The following C12orf42 variants were observed in gnomAD, a reference collection of about 807,000 sequenced individuals.
C12orf42 encodes the protein uncharacterized protein C12orf42.
C12orf42 carries 25 observed loss-of-function variants against 21.6 expected under a neutral mutation model. The ratio of observed to expected loss-of-function variants is 1.16; its 90% CI spans 0.84 to 1.62. The LOEUF is 1.62. Ranked by LOEUF, C12orf42 falls within the 40% of genes most tolerant of loss-of-function variation. The pLI is 0.00. For synonymous variants in C12orf42, 174 were observed against 175.0 expected (o/e 0.99, Z 0.05); for missense variants, 483 against 459.3 (o/e 1.05, Z -0.47).
Position 103,302,344 on chromosome 12 carries a change from C to G in C12orf42, c.847G>C (p.Glu283Gln). The change falls in exon 6 of 6, where the codon GAG becomes CAG. Residue 283 changes from glutamate (E) to glutamine (Q), a missense_variant. Transcript: ENST00000548883. ...GTATGAGGATGCTTGGGGAGCATCTCCGGCGCCATGGCAACCGCGCCTTTT... is the reference window on the plus strand; with the variant it reads ...GTATGAGGATGCTTGGGGAGCATCTGCGGCGCCATGGCAACCGCGCCTTTT... ...VGKGAVAMAP[E>Q]MLPKHPHTPR... 3 of 1,613,964 alleles carry G rather than the reference C, an allele frequency of 1.9e-6. No homozygotes were observed. The highest frequency in any genetic ancestry group is 2.5e-6 in the Non-Finnish European group (3 of 1,179,886).
At chr12:103,351,289 C>G (rs1030492136) in intron 4 of C12orf42, among the ~76,000 whole-genome samples, 1 of 152,218 alleles carries the variant, frequency 6.6e-6, no homozygotes, top group Admixed American at 6.5e-5. Context: ...ATAAGGTAAA[C>G]GCCAACCTGT....
chr12:103,497,365 T>C (rs935160063), upstream of C12orf42, among the ~76,000 whole-genome samples: 1 of 152,204 alleles, frequency 6.6e-6, no homozygotes, highest in Non-Finnish European at 1.5e-5. Flanking sequence ...TACTCCTAAA[T>C]ACATAGAATC....
chr12:103,553,185 C>T, the C12orf42 span, among the ~76,000 whole-genome samples: 1 of 152,140 alleles, frequency 6.6e-6, no homozygotes, highest in Middle Eastern at 3.2e-3. Context: ...TAGCATTCCT[C>T]CTCTCAGTTT....
At chr12:103,135,658 AC>A in the C12orf42 span, among the ~76,000 whole-genome samples, 1 of 152,190 alleles carries the variant, frequency 6.6e-6, no homozygotes, top group Non-Finnish European at 1.5e-5. Flanking sequence ...AAAATGCTCA[AC>A]AAAATACTAG....
chr12:103,488,353 A>T (rs1163040983), intron 1 of C12orf42, among the ~76,000 whole-genome samples: 2 of 152,174 alleles, frequency 1.3e-5, no homozygotes, highest in African/African-American at 4.8e-5. Flanking sequence ...TTTGTGGGTA[A>T]CCCAACCTTT....
intron 4 of C12orf42, among the ~76,000 whole-genome samples, chr12:103,349,726 CACTAAATAACTTT>C: frequency 6.6e-6 from 1 of 152,226 alleles, no homozygotes; most frequent in African/African-American, 2.4e-5. Flanking sequence ...CATCTACAAA[CACTAAATAACTTT>C]ACTTCTTGTT....
the C12orf42 span, among the ~76,000 whole-genome samples, chr12:103,089,632 TG>T: frequency 6.6e-6 from 1 of 151,822 alleles, no homozygotes; most frequent in African/African-American, 2.4e-5. Flanking sequence ...TGTGTGTGTG[TG>T]TGTGTGTGTG....
chr12:103,503,361 C>T, the C12orf42 span: 22,393 of 152,344 alleles, frequency 0.15, 1,887 homozygotes, highest in South Asian at 0.25. Flanking sequence ...CCTCGTTCCG[C>T]CCCCTCGCCC....
intron 2 of C12orf42, among the ~76,000 whole-genome samples, chr12:103,440,403 T>A (rs1951116361): frequency 1.3e-5 from 1 of 79,632 alleles, no homozygotes. Flanking sequence ...AAACTTAAAG[T>A]ATAATAAAAA....
chr12:103,478,672 G>T (rs574647633), intron 1 of C12orf42, among the ~76,000 whole-genome samples: 3 of 147,588 alleles, frequency 2.0e-5, no homozygotes, highest in African/African-American at 7.5e-5. Context: ...AGCAATACTC[G>T]CACCTTGGCC....
chr12:103,269,814 G>A (rs966918604), exon 6 of C12orf42: 6 of 152,498 alleles, frequency 3.9e-5, no homozygotes, highest in Non-Finnish European at 8.8e-5. Flanking sequence ...CACCTGAGGA[G>A]CCAGGAAGTG....
At chr12:103,482,335 G>A (rs1472644239) in intron 1 of C12orf42, among the ~76,000 whole-genome samples, 1 of 152,040 alleles carries the variant, frequency 6.6e-6, no homozygotes, top group Non-Finnish European at 1.5e-5. Flanking sequence ...GTTCTAGGTT[G>A]ACAATTATTT....
chr12:103,366,258 CA>C (rs1216341234), intron 4 of C12orf42, among the ~76,000 whole-genome samples: 1 of 152,012 alleles, frequency 6.6e-6, no homozygotes, highest in Non-Finnish European at 1.5e-5. Context: ...ATTGGGAAGC[CA>C]CATGTAGAAG....
At chr12:103,455,716 C>T (rs1023754441) in intron 2 of C12orf42, among the ~76,000 whole-genome samples, 3 of 152,076 alleles carry the variant, frequency 2.0e-5, no homozygotes, top group Admixed American at 6.6e-5. Flanking sequence ...GAAGAAGAAA[C>T]AAATGAACTT....
chr12:103,424,717 G>C (rs1417513628), intron 2 of C12orf42, among the ~76,000 whole-genome samples: 1 of 152,216 alleles, frequency 6.6e-6, no homozygotes, highest in East Asian at 1.9e-4. Context: ...CCAGGGCCCT[G>C]GGTTTCAAGC....
chr12:103,185,887 G>A, the C12orf42 span, among the ~76,000 whole-genome samples: 15 of 152,096 alleles, frequency 9.9e-5, no homozygotes, highest in African/African-American at 2.9e-4. Flanking sequence ...TTCCAGTTTC[G>A]GGTATGTCTT....
In C12orf42 at chr12:103,442,033, A is replaced by G. The variant is rs1951279010; in HGVS notation, c.78+36316T>C. On this transcript the variant is annotated intron_variant, in intron 2 of 5. Coordinates refer to ENST00000548883, the MANE Select transcript of C12orf42 (RefSeq NM_198521.5). ...GTGGTGTGCACCTGTAGTCCCAGCTACTCAGGAGGCTGAAGTGGGAGGATC... is the reference window on the plus strand; with the variant it reads ...GTGGTGTGCACCTGTAGTCCCAGCTGCTCAGGAGGCTGAAGTGGGAGGATC... 2.0e-5 allele frequency among the ~76,000 whole-genome samples: 3 copies of G among 152,188 alleles called. No homozygotes were observed. The South Asian group carries it at 6.2e-4, about 32-fold the overall frequency.
chr12:103,177,624 AACTG>A, the C12orf42 span, among the ~76,000 whole-genome samples: 2 of 152,200 alleles, frequency 1.3e-5, no homozygotes, highest in African/African-American at 2.4e-5. Context: ...TCTGCTGAAA[AACTG>A]ACTTTCTTTT....
At position 103,360,671 on chromosome 12, in the gene C12orf42, T is replaced by G. The variant is rs572296918; in HGVS notation, c.259+8216A>C. Reference sequence around the variant, plus strand: ...TGTGTTTTTAAAAGAATAAAGAAGTTGGCATTTACTTTTATTGAGTTACCA... The same window carrying G: ...TGTGTTTTTAAAAGAATAAAGAAGTGGGCATTTACTTTTATTGAGTTACCA... On this transcript the variant is annotated intron_variant, in intron 4 of 5. Transcript: ENST00000548883. 3.3e-5 allele frequency among the ~76,000 whole-genome samples: 5 copies of G among 152,194 alleles called. No individual in the cohort carries two copies. The South Asian group carries it at 8.3e-4, about 25-fold the overall frequency.
Sources: allele counts gnomAD v4.1 joint callset (sites outside exome capture counted in the v4.1 genomes callset), GRCh38; gene constraint gnomAD v4.1.1; transcripts MANE v1.5; gene names NCBI Gene and HGNC (gene_info 2026-07-23, HGNC 2026-07-21).